FRMPD4: variants seen among roughly 807,000 people sequenced by gnomAD.
The protein encoded by FRMPD4 is FERM and PDZ domain containing 4.
In FRMPD4, 22 loss-of-function variants were observed where a neutral mutation model predicts 94.1. The observed-to-expected ratio is 0.23, with a 90% CI of 0.17 to 0.33. The LOEUF (loss-of-function observed/expected upper bound fraction) is 0.33, where lower values mean the gene tolerates loss of function less well. FRMPD4 is among the 10% of genes least tolerant of loss of function. The probability of loss-of-function intolerance (pLI) is 1.00; values close to 1 mark genes in which losing one functional copy is unlikely to be tolerated. For synonymous variants in FRMPD4, 631 were observed against 548.6 expected (o/e 1.15, Z -2.10); for missense variants, 1,111 against 1,339.9 (o/e 0.83, Z 2.67).
intron 1 of FRMPD4, among the ~76,000 whole-genome samples, chrX:12,351,172 CAA>C (rs764761807): frequency 6.0e-5 from 5 of 82,674 alleles, no homozygotes; most frequent in Non-Finnish European, 4.8e-5. Context: ...CTCCACCTCA[CAA>C]AAAAAAAAAA....
chrX:12,462,707 G>A (rs1216991902), intron 1 of FRMPD4, among the ~76,000 whole-genome samples: 1 of 112,464 alleles, frequency 8.9e-6, no homozygotes, highest in East Asian at 2.8e-4. Context: ...TCAAACTGCA[G>A]GCAAGGTGTG....
intron 2 of FRMPD4, among the ~76,000 whole-genome samples, chrX:12,546,565 G>T (rs1414108741): frequency 8.9e-6 from 1 of 111,877 alleles, no homozygotes; most frequent in African/African-American, 3.3e-5. Context: ...CCAATTATTT[G>T]TTAGCCAGAA....
chrX:12,190,709 A>G (rs1253756366), intron 1 of FRMPD4, among the ~76,000 whole-genome samples: 2 of 107,788 alleles, frequency 1.9e-5, no homozygotes, highest in Non-Finnish European at 3.9e-5. Flanking sequence ...AAAAAAAAAA[A>G]GAATCTACAC....
chrX:12,707,739 C>T (rs748324462), intron 13 of FRMPD4, 88 bp downstream of exon 13: 35 of 734,728 alleles, frequency 4.8e-5, no homozygotes, highest in Admixed American at 2.1e-4. Flanking sequence ...AGGCAAAAGT[C>T]AATGTGTGCA....
intron 3 of FRMPD4, among the ~76,000 whole-genome samples, chrX:12,613,057 A>G (rs1193333904): frequency 1.8e-5 from 2 of 112,088 alleles, no homozygotes; most frequent in Non-Finnish European, 3.8e-5. Flanking sequence ...GTTCATTTCA[A>G]TTACTAAATG....
Position 12,305,747 on chromosome X carries a change from T to TTTTTTTTTTTTTTTTTG in FRMPD4, c.41+166735_41+166736insTTTTTTTTTTTTTTTTG, listed in dbSNP as rs1569225517. 1.2e-4 allele frequency among the ~76,000 whole-genome samples: 11 copies of TTTTTTTTTTTTTTTTTG among 91,727 alleles called. 1 individual carries two copies. In the Admixed American group the frequency reaches 1.3e-3, roughly 11 times the overall value. The allele number at this position is 91,727 out of a possible 115,157, so 79.7% of individuals were successfully genotyped here. On this transcript the variant is annotated intron_variant, in intron 1 of 16. Coordinates refer to ENST00000675598, the MANE Select transcript of FRMPD4 (RefSeq NM_001368397.1). The stretch of plus-strand genomic sequence containing the variant: ...TAAGTTTTTTTTTTTTTTTTTTTTT[T>TTTTTTTTTTTTTTTTTG]ACAGAGACAGGGTCTCACTATGTTG...
chrX:12,242,267 T>G (rs2064562982), intron 1 of FRMPD4, among the ~76,000 whole-genome samples: 2 of 111,920 alleles, frequency 1.8e-5, no homozygotes, highest in Non-Finnish European at 3.8e-5. Flanking sequence ...TCCTCTCATT[T>G]CTAATAAAAT....
intron 3 of FRMPD4, among the ~76,000 whole-genome samples, chrX:11,956,062 A>G (rs912376151): frequency 6.2e-5 from 7 of 112,214 alleles, no homozygotes; most frequent in African/African-American, 2.3e-4. Flanking sequence ...TCTGTGAACC[A>G]TAATGACTGC....
chrX:12,591,489 A>G (rs1270712044), intron 2 of FRMPD4, among the ~76,000 whole-genome samples: 1 of 111,839 alleles, frequency 8.9e-6, no homozygotes, highest in African/African-American at 3.3e-5. Flanking sequence ...TCTATATCTG[A>G]GGTCAGCAAA....
At chrX:12,257,856 T>G (rs1358903574) in intron 1 of FRMPD4, among the ~76,000 whole-genome samples, 1 of 110,694 alleles carries the variant, frequency 9.0e-6, no homozygotes, top group African/African-American at 3.3e-5. Context: ...CCTTCTTTTT[T>G]TGAAGTTACC....
chrX:12,408,618 A>G (rs1228266862), intron 1 of FRMPD4, among the ~76,000 whole-genome samples: 1 of 111,350 alleles, frequency 9.0e-6, no homozygotes, highest in Non-Finnish European at 1.9e-5. Context: ...GAAATGTGCA[A>G]CACGCCATCA....
intron 6 of FRMPD4, 62 bp downstream of exon 6, chrX:12,683,649 T>C: frequency 5.1e-6 from 3 of 591,790 alleles, no homozygotes; most frequent in Non-Finnish European, 5.6e-6. Flanking sequence ...AGCTTTGCAC[T>C]CAAAACAAAG....
chrX:11,907,139 A>G (rs1273026122), intron 3 of FRMPD4, among the ~76,000 whole-genome samples: 1 of 110,744 alleles, frequency 9.0e-6, no homozygotes, highest in Non-Finnish European at 1.9e-5. Context: ...TTATATTGAT[A>G]TTTCCAACTT....
chrX:12,545,832 G>A lies in FRMPD4; in HGVS notation c.158+47036G>A, dbSNP rs773059938. Among the ~76,000 whole-genome samples the A allele has an allele frequency of 4.4e-5, 5 of 113,074 alleles. No individual in the cohort carries two copies. In the East Asian group the frequency reaches 1.1e-3, roughly 25 times the overall value. ...TTTGTTAAAATATTCTTTCCAGTTT[G>A]GAAGCCCTTGGCTTAAGGGAAATTT... On this transcript the variant is annotated intron_variant, in intron 2 of 16. Transcript: ENST00000675598.
At chrX:12,164,653 C>T (rs1274749871) in intron 1 of FRMPD4, among the ~76,000 whole-genome samples, 2 of 112,426 alleles carry the variant, frequency 1.8e-5, no homozygotes, top group Admixed American at 1.9e-4. Context: ...AACTGGCTTA[C>T]AGTCCCACCA....
At chrX:12,248,816 A>T (rs1368177087) in intron 1 of FRMPD4, among the ~76,000 whole-genome samples, 1 of 112,387 alleles carries the variant, frequency 8.9e-6, no homozygotes, top group Non-Finnish European at 1.9e-5. Flanking sequence ...AGGCAGGTGG[A>T]TCACCTGAGG....
In FRMPD4 at chrX:12,650,535, T is replaced by A. The variant is rs2059587270; in HGVS notation, c.423-24328T>A. On this transcript the variant is annotated intron_variant, in intron 4 of 16. Coordinates refer to ENST00000675598, the MANE Select transcript of FRMPD4 (RefSeq NM_001368397.1). ...TAAGAGGAGGTGAGTGGAGAGCTAC[T>A]GGAGGTGTTTCCTACTGGGGGAAAA... 3.6e-5 allele frequency among the ~76,000 whole-genome samples: 4 copies of A among 112,168 alleles called. No individual in the cohort carries two copies. In the South Asian group the frequency reaches 1.5e-3, roughly 42 times the overall value.
intron 3 of FRMPD4, among the ~76,000 whole-genome samples, chrX:11,967,756 G>T (rs2407662): frequency 0.019 from 1,232 of 65,532 alleles, 65 homozygotes; most frequent in East Asian, 0.13. Flanking sequence ...GTGTGTGTGT[G>T]TTTTTTTTTT....
chrX:12,315,593 T>A (rs778909647), intron 1 of FRMPD4, among the ~76,000 whole-genome samples: 1 of 111,479 alleles, frequency 9.0e-6, no homozygotes, highest in African/African-American at 3.3e-5. Flanking sequence ...GATAAAAAAA[T>A]ATGCAGATTT....
Sources: allele counts gnomAD v4.1 joint callset (sites outside exome capture counted in the v4.1 genomes callset), GRCh38; gene constraint gnomAD v4.1.1; transcripts MANE v1.5; gene names NCBI Gene and HGNC (gene_info 2026-07-23, HGNC 2026-07-21).